Variants in CCNE1 observed in about 807,000 individuals in gnomAD.
The protein encoded by CCNE1 is G1/S-specific cyclin-E1.
CCNE1 carries 8 observed loss-of-function variants against 54.1 expected under a neutral mutation model. The observed-to-expected ratio is 0.15, with a 90% CI of 0.09 to 0.27. CCNE1 has a LOEUF of 0.27. CCNE1 is among the 10% of genes least tolerant of loss of function. CCNE1 has a pLI of 1.00. For synonymous variants in CCNE1, 179 were observed against 185.2 expected, an observed-to-expected ratio of 0.97 and a Z score of 0.27; for missense variants, 430 against 514.9, an observed-to-expected ratio of 0.84 and a Z score of 1.60.
chr19:29,812,356 C>T (rs1443695611), intron 1 of CCNE1, among the ~76,000 whole-genome samples, 176 bp from the exon 2 acceptor site: 2 of 145,028 alleles, frequency 1.4e-5, no homozygotes, highest in East Asian at 4.2e-4. Context: ...CCGGTGAGGG[C>T]GGCGGGGGCG....
chr19:29,822,656 T>C, intron 11 of CCNE1, 53 bp downstream of exon 11: 1 of 1,556,984 alleles, frequency 6.4e-7, no homozygotes, highest in Non-Finnish European at 8.7e-7. Flanking sequence ...TAAAACTGCC[T>C]AAATAGGCCA....
intron 6 of CCNE1, 53 bp downstream of exon 6, chr19:29,817,594 T>A: frequency 6.2e-7 from 1 of 1,601,870 alleles, no homozygotes; most frequent in Non-Finnish European, 8.6e-7. Flanking sequence ...ATTTCCAGCA[T>A]TTTTGTGTAT....
At chr19:29,816,360 T>C (rs1477891676) in intron 4 of CCNE1, among the ~76,000 whole-genome samples, 3 of 152,214 alleles carry the variant, frequency 2.0e-5, no homozygotes, top group African/African-American at 7.2e-5. Flanking sequence ...TGAATACATA[T>C]CTGAAACCTT....
chr19:29,812,486 C>T (rs1973912927), intron 1 of CCNE1, 46 bp from the exon 2 acceptor site: 4 of 1,226,664 alleles, frequency 3.3e-6, no homozygotes, highest in South Asian at 3.1e-5. Flanking sequence ...GGGTACTGGG[C>T]CCGCGGCCTG....
Position 29,817,190 on chromosome 19 carries a change from T to A in CCNE1, c.234T>A (p.Pro78=). 6.2e-7 allele frequency: 1 copy of A among 1,614,144 alleles called. No individual in the cohort carries two copies. Residue 78 remains proline (P), a synonymous_variant, in exon 5 of 12, where the codon CCT becomes CCA. Coordinates refer to ENST00000262643, the MANE Select transcript of CCNE1 (RefSeq NM_001238.4). Reference sequence around the variant, plus strand: ...ACCCCTGCTCCCTGATCCCCACACCTGACAAAGAAGATGATGACCGGGTTT... The same window carrying A: ...ACCCCTGCTCCCTGATCCCCACACCAGACAAAGAAGATGATGACCGGGTTT... ...CADPCSLIPT[P]DKEDDDRVYP... is the part of the protein sequence containing the mutation.
At chr19:29,815,449 G>A (rs574428048) in intron 4 of CCNE1, among the ~76,000 whole-genome samples, 2 of 152,142 alleles carry the variant, frequency 1.3e-5, no homozygotes, top group Non-Finnish European at 2.9e-5. Context: ...AGCTTTATCT[G>A]GCTTTGCTCT....
At chr19:29,816,155 CAAAAAAAAAA>C (rs756490349) in intron 4 of CCNE1, among the ~76,000 whole-genome samples, 2 of 73,244 alleles carry the variant, frequency 2.7e-5, no homozygotes, top group Non-Finnish European at 5.7e-5. Context: ...GACCCTCTCT[CAAAAAAAAAA>C]AAAAAAAAGC....
intron 6 of CCNE1, among the ~76,000 whole-genome samples, chr19:29,817,824 A>G (rs1974060667): frequency 7.2e-6 from 1 of 139,852 alleles, no homozygotes; most frequent in Admixed American, 7.2e-5. Context: ...AACTGTTAAC[A>G]TTTGAGCTTT....
rs1220833056 is a variant in CCNE1 at position 29,812,097 on chromosome 19, T to TCGCCGC, written c.-72_-67dup. The TCGCCGC allele has an allele frequency of 6.9e-6, 1 of 144,364 alleles. No individual in the cohort carries two copies. The highest frequency in any genetic ancestry group is 1.8e-4 in the South Asian group (1 of 5,516). 8.9% of individuals were successfully genotyped at this position (144,364 alleles called of 1,614,324 possible). A position where few individuals can be genotyped will look rare whatever the true frequency, so the allele number is the denominator to read the frequency against. ...CCCGGCGCCGCCGCCGCCACTGCCGTCGCCGCCGCCGCCTGCCGGGACTGG... is the reference window on the plus strand; with the variant it reads ...CCCGGCGCCGCCGCCGCCACTGCCGTCGCCGCCGCCGCCGCCGCCTGCCGGGACTGG... On this transcript the variant is annotated 5_prime_UTR_variant, in exon 1 of 12. Coordinates refer to ENST00000262643, the MANE Select transcript of CCNE1 (RefSeq NM_001238.4).
At chr19:29,814,887 A>G (rs370198705) in intron 4 of CCNE1, among the ~76,000 whole-genome samples, 4 of 152,234 alleles carry the variant, frequency 2.6e-5, no homozygotes, top group Non-Finnish European at 5.9e-5. Context: ...ACAAGACTCA[A>G]TCTTTCTATT....
rs1974177400 is a variant in CCNE1, at chr19:29,822,576, G to C, written c.1083G>C (p.Gln361His). 6.2e-7 allele frequency: 1 copy of C among 1,613,146 alleles called. No homozygotes were observed. The highest frequency in any genetic ancestry group is 8.5e-7 in the Non-Finnish European group (1 of 1,179,640). ...CTGATGAAGATGCACACAACATACA[G>C]ACCCACAGAGACAGCTTGGATTTGC... ...GVADEDAHNIQTHRDSLDLLD... is the reference protein window; with the variant it reads ...GVADEDAHNIHTHRDSLDLLD... Residue 361 changes from glutamine (Q) to histidine (H), a missense_variant, in exon 11 of 12, where the codon CAG becomes CAC. By Grantham distance (24) the Gln-to-His change is conservative. Around this residue, in one of 2 missense-constraint regions of CCNE1, gnomAD observed 303 missense variants for 401.1 expected, o/e 0.76. Coordinates refer to ENST00000262643, the MANE Select transcript of CCNE1 (RefSeq NM_001238.4).
chr19:29,816,478 C>G (rs1974018492), intron 4 of CCNE1, among the ~76,000 whole-genome samples: 2 of 152,156 alleles, frequency 1.3e-5, no homozygotes, highest in Non-Finnish European at 2.9e-5. Context: ...AGTGTCTAGG[C>G]TAGCTTCCTG....
At position 29,812,590 on chromosome 19, in the gene CCNE1, C is replaced by T; in HGVS notation, c.23+12C>T. 6.6e-7 allele frequency: 1 copy of T among 1,525,656 alleles called. No individual in the cohort carries two copies. The highest frequency in any genetic ancestry group is 8.8e-7 in the Non-Finnish European group (1 of 1,138,984). The allele number at this position is 1,525,656 out of a possible 1,614,324, so 94.5% of individuals were successfully genotyped here. ...GAGCGCAGGGAGCGGTGAGTGCCCG[C>T]GCCGCGGGGCCGGACGGGACGGGAC... On this transcript the variant is annotated intron_variant, in intron 2 of 11. Coordinates refer to ENST00000262643, the MANE Select transcript of CCNE1 (RefSeq NM_001238.4).
intron 6 of CCNE1, among the ~76,000 whole-genome samples, chr19:29,819,600 A>G (rs1480329812): frequency 6.6e-6 from 1 of 152,224 alleles, no homozygotes; most frequent in African/African-American, 2.4e-5. Context: ...TTCTTGGTCC[A>G]CACTATTTTA....
Position 29,823,930 on chromosome 19 carries a change from G to A in CCNE1, c.*153G>A, listed in dbSNP as rs1974216691. Reference sequence around the variant, plus strand: ...GTATTTCTGTGGATGGCATCAAACAGGGCAAAGTGTTTTTTATTGAATGCT... The same window carrying A: ...GTATTTCTGTGGATGGCATCAAACAAGGCAAAGTGTTTTTTATTGAATGCT... On this transcript the variant is annotated 3_prime_UTR_variant, in exon 12 of 12. Transcript: ENST00000262643. 1.2e-6 allele frequency: 1 copy of A among 847,324 alleles called. No homozygotes were observed. The allele number at this position is 847,324 out of a possible 1,614,324, so 52.5% of individuals were successfully genotyped here.
In CCNE1 at chr19:29,822,360, G is replaced by A. The variant is rs747520795; in HGVS notation, c.952+9G>A. On this transcript the variant is annotated intron_variant, in intron 10 of 11. Transcript: ENST00000262643. ...GATGCAAAAGGTTTCAGGTAAGTTG[G>A]CTTTCCAGTGCATGCACAAACAAGG... The A allele has an allele frequency of 3.1e-6, 5 of 1,613,722 alleles. No homozygotes were observed. The highest frequency in any genetic ancestry group is 1.1e-5 in the South Asian group (1 of 91,068).
rs1974058902 is a variant in CCNE1, at chr19:29,817,757, T to C, written c.462+216T>C. Among the ~76,000 whole-genome samples the C allele has an allele frequency of 2.0e-5, 3 of 152,302 alleles. No individual in the cohort carries two copies. The South Asian group carries it at 6.2e-4, about 32-fold the overall frequency. On this transcript the variant is annotated intron_variant, in intron 6 of 11. Transcript: ENST00000262643. ...CTTCAGATGTTTTAAAATTGGCATCTAATTTTTTCCATCCAAGTTTAAATA... is the reference window on the plus strand; with the variant it reads ...CTTCAGATGTTTTAAAATTGGCATCCAATTTTTTCCATCCAAGTTTAAATA...
chr19:29,821,889 G>A, intron 8 of CCNE1, 72 bp downstream of exon 8: 1 of 1,496,802 alleles, frequency 6.7e-7, no homozygotes, highest in Non-Finnish European at 9.3e-7. Context: ...AAGTGTGAGT[G>A]CCTCTGGGAG....
chr19:29,820,898 T>G (rs758942514), intron 7 of CCNE1, 50 bp downstream of exon 7: 1 of 1,414,762 alleles, frequency 7.1e-7, no homozygotes, highest in Non-Finnish European at 9.9e-7. Context: ...TTTCTCGAGC[T>G]CCACTGAGAT....
Sources: gnomAD v4.1 joint callset for allele counts (sites outside exome capture counted in the v4.1 genomes callset) on GRCh38, gnomAD v4.1.1 for gene constraint, gnomAD v4.1.1 regional missense constraint, MANE v1.5 for transcripts, NCBI Gene and HGNC (gene_info 2026-07-23, HGNC 2026-07-21) for gene names.